RIN3: variants seen among roughly 807,000 people sequenced by gnomAD.
RIN3 encodes Ras and Rab interactor 3.
RIN3 carries 54 observed loss-of-function variants against 76.3 expected under a neutral mutation model. The observed-to-expected ratio is 0.71, with a 90% CI of 0.57 to 0.89. RIN3 has a LOEUF of 0.89. RIN3 is among the 40% of genes least tolerant of loss of function. The probability of loss-of-function intolerance (pLI) is 0.00; values close to 1 mark genes in which losing one functional copy is unlikely to be tolerated. For synonymous variants in RIN3, 576 were observed against 564.0 expected (o/e 1.02, Z -0.30); for missense variants, 1,256 against 1,322.1 (o/e 0.95, Z 0.78).
At chr14:92,683,914 GGT>G (rs754168148) in intron 8 of RIN3, among the ~76,000 whole-genome samples, 6 of 152,022 alleles carry the variant, frequency 3.9e-5, no homozygotes, top group East Asian at 3.8e-4. Flanking sequence ...AATTTATGAG[GGT>G]GTGTCCTAAT....
intron 3 of RIN3, among the ~76,000 whole-genome samples, chr14:92,609,653 G>C (rs146211343): frequency 2.2e-4 from 34 of 152,340 alleles, no homozygotes; most frequent in Non-Finnish European, 4.3e-4. Flanking sequence ...CTCCTGGGCA[G>C]TAGGTGGCAC....
rs771626911 is a variant in RIN3, at chr14:92,514,484, C to G, written c.44+508C>G. On this transcript the variant is annotated intron_variant, in intron 1 of 9. Coordinates refer to ENST00000216487, the MANE Select transcript of RIN3 (RefSeq NM_024832.5). The surrounding 1 kb of genome is among the most constrained non-coding windows in gnomAD (Gnocchi z 7.2). ...GCAACTTTGGGTGCCCGCGGCCCAA[C>G]AGCTGACCGGCCCTCCTGGACCGAG... is the stretch of plus-strand genomic sequence containing the variant. Among the ~76,000 whole-genome samples the G allele has an allele frequency of 2.6e-5, 4 of 152,264 alleles. No individual in the cohort carries two copies. The highest frequency in any genetic ancestry group is 5.9e-5 in the Non-Finnish European group (4 of 68,046).
intron 2 of RIN3, chr14:92,576,440 T>C (rs1898235209): frequency 7.8e-7 from 1 of 1,280,622 alleles, no homozygotes; most frequent in East Asian, 5.6e-5. Context: ...CATGGTTTTA[T>C]CAGAAGAGAG....
At chr14:92,637,834 A>C (rs1434254556) in intron 4 of RIN3, among the ~76,000 whole-genome samples, 4 of 152,146 alleles carry the variant, frequency 2.6e-5, no homozygotes, top group African/African-American at 9.7e-5. Flanking sequence ...TAGAGAATCA[A>C]ATTTTATATT....
chr14:92,530,387 T>C (rs559446038), intron 1 of RIN3, among the ~76,000 whole-genome samples: 15 of 152,342 alleles, frequency 9.8e-5, no homozygotes, highest in Non-Finnish European at 2.1e-4. Flanking sequence ...AAGACTCTTG[T>C]AGGGAGTAGT....
rs115601489 is a variant in RIN3 at position 92,535,016 on chromosome 14, C to T, written c.45-20735C>T. On this transcript the variant is annotated intron_variant, in intron 1 of 9. Transcript: ENST00000216487. ...TCACACCTGCAGAATAGGAGAGCTC[C>T]GGTTCTTCCTCATCCTCCCCAGGCC... Among the ~76,000 whole-genome samples, 958 of 152,272 alleles carry T rather than the reference C, an allele frequency of 6.3e-3. 11 individuals are homozygous for T. Among genetic ancestry groups the T allele is most frequent in the African/African-American group, 0.022 (923 of 41,560 alleles).
intron 4 of RIN3, among the ~76,000 whole-genome samples, chr14:92,621,390 T>C (rs985751341): frequency 1.3e-5 from 2 of 152,176 alleles, no homozygotes; most frequent in Admixed American, 6.5e-5. Context: ...GACCCAGCCC[T>C]CAGGAGGTCC....
rs572474187 is a variant in RIN3 at position 92,522,092 on chromosome 14, G to A, written c.44+8116G>A. Reference sequence around the variant, plus strand: ...TGGAAAGGTGGTTGGGGCCCCCTTGGCTATGGGTGGGCAAGTTTGACTTTT... The same window carrying A: ...TGGAAAGGTGGTTGGGGCCCCCTTGACTATGGGTGGGCAAGTTTGACTTTT... On this transcript the variant is annotated intron_variant, in intron 1 of 9. Coordinates refer to ENST00000216487, the MANE Select transcript of RIN3 (RefSeq NM_024832.5). 3.3e-5 allele frequency among the ~76,000 whole-genome samples: 5 copies of A among 152,290 alleles called. No homozygotes were observed. In the South Asian group the frequency reaches 1.0e-3, roughly 32 times the overall value.
At chr14:92,633,329 G>T (rs1035967021) in intron 4 of RIN3, among the ~76,000 whole-genome samples, 7 of 152,204 alleles carry the variant, frequency 4.6e-5, no homozygotes, top group Non-Finnish European at 7.3e-5. Flanking sequence ...GCCTCAAGAA[G>T]TGGGCACCAT....
chr14:92,660,808 T>C (rs1288140190), intron 7 of RIN3, among the ~76,000 whole-genome samples: 1 of 152,198 alleles, frequency 6.6e-6, no homozygotes, highest in Non-Finnish European at 1.5e-5. Context: ...ACTGCAGTCC[T>C]CCAGGCAGAC....
At chr14:92,577,598 G>A (rs954838595) in intron 3 of RIN3, 121 bp downstream of exon 3, 1 of 608,598 alleles carries the variant, frequency 1.6e-6, no homozygotes, top group African/African-American at 1.9e-5. Flanking sequence ...TTAGAAGGAG[G>A]AAAAGCTTTC....
intron 1 of RIN3, among the ~76,000 whole-genome samples, chr14:92,535,736 G>A (rs1183854978): frequency 7.0e-5 from 10 of 141,884 alleles, no homozygotes; most frequent in African/African-American, 1.3e-4. Context: ...TTTCAGTGGC[G>A]TGACCTTGGC....
intron 3 of RIN3, 49 bp downstream of exon 3, chr14:92,577,526 G>A (rs1898284604): frequency 1.7e-6 from 2 of 1,180,218 alleles, no homozygotes; most frequent in African/African-American, 1.5e-5. Flanking sequence ...GGCAGCAGCA[G>A]CAGCAGAGAG....
intron 3 of RIN3, among the ~76,000 whole-genome samples, chr14:92,607,738 T>A (rs1179270734): frequency 1.3e-5 from 2 of 152,356 alleles, no homozygotes; most frequent in African/African-American, 4.8e-5. Flanking sequence ...TACAGCAGTT[T>A]CATGCATAGT....
chr14:92,538,016 G>A (rs61540072), intron 1 of RIN3, among the ~76,000 whole-genome samples: 11,579 of 151,848 alleles, frequency 0.076, 834 homozygotes, highest in African/African-American at 0.18. Flanking sequence ...TAGTAGAGAC[G>A]GGGTTTCACC....
chr14:92,623,317 T>C lies in RIN3; in HGVS notation c.440+7838T>C, dbSNP rs542972467. ...CACCTTTTTCTGCTAATATCATATCTAAGGCCATTCTGTTTTCCCAAGCCA... is the reference window on the plus strand; with the variant it reads ...CACCTTTTTCTGCTAATATCATATCCAAGGCCATTCTGTTTTCCCAAGCCA... On this transcript the variant is annotated intron_variant, in intron 4 of 9. Transcript: ENST00000216487. This position sits in a 1 kb window ranked among gnomAD's most constrained non-coding sequence, Gnocchi z 4.9. Among the ~76,000 whole-genome samples, 84 of 152,358 alleles carry C rather than the reference T, an allele frequency of 5.5e-4. No individual in the cohort carries two copies. Among genetic ancestry groups the C allele is most frequent in the South Asian group, 1.4e-3 (7 of 4,832 alleles).
chr14:92,532,507 G>A (rs889822598), intron 1 of RIN3, among the ~76,000 whole-genome samples: 1 of 152,160 alleles, frequency 6.6e-6, no homozygotes, highest in Non-Finnish European at 1.5e-5. Flanking sequence ...GGAAGGCAGG[G>A]CACCCAGGCT....
At position 92,623,956 on chromosome 14, in the gene RIN3, A is replaced by G. The variant is rs1428422409; in HGVS notation, c.440+8477A>G. Among the ~76,000 whole-genome samples the G allele has an allele frequency of 6.6e-6, 1 of 152,238 alleles. No homozygotes were observed. Among genetic ancestry groups the G allele is most frequent in the Non-Finnish European group, 1.5e-5 (1 of 68,046 alleles). The stretch of plus-strand genomic sequence containing the variant: ...GCACAGAGAGAGTTCGACAGAATTC[A>G]CTATCCCAGGCTGTAGGGTGTTGGA... On this transcript the variant is annotated intron_variant, in intron 4 of 9. Transcript: ENST00000216487. The surrounding 1 kb of genome is among the most constrained non-coding windows in gnomAD (Gnocchi z 4.9).
Position 92,688,294 on chromosome 14 carries a change from T to G in RIN3, c.*42T>G. ...CTCCCCTCACCCCCAGGCGCACGTC[T>G]GGCCCCGCCTCTGGCTGCGCACTCC... On this transcript the variant is annotated 3_prime_UTR_variant, in exon 10 of 10. Transcript: ENST00000216487. The G allele has an allele frequency of 1.4e-6, 2 of 1,471,952 alleles. No homozygotes were observed. Among genetic ancestry groups the G allele is most frequent in the Non-Finnish European group, 1.8e-6 (2 of 1,109,780 alleles). 91.2% of individuals were successfully genotyped at this position (1,471,952 alleles called of 1,614,324 possible).
Sources: allele counts gnomAD v4.1 joint callset (sites outside exome capture counted in the v4.1 genomes callset), GRCh38; gene constraint gnomAD v4.1.1; non-coding constraint Gnocchi (gnomAD v3.1); transcripts MANE v1.5; gene names NCBI Gene and HGNC (gene_info 2026-07-23, HGNC 2026-07-21).